KLHDC2: variants seen among roughly 807,000 people sequenced by gnomAD.
KLHDC2 encodes the protein kelch domain containing 2.
A neutral mutation model predicts 62.3 loss-of-function variants in KLHDC2; 38 were observed. The observed-to-expected ratio is 0.61, with a 90% CI of 0.47 to 0.80. The LOEUF is 0.80. Ranked by LOEUF, KLHDC2 falls within the 30% of genes least tolerant of loss-of-function variation. The pLI is 0.00. For missense variants in KLHDC2, 430 were observed against 495.3 expected (o/e 0.87, Z 1.25); for synonymous variants, 159 against 161.0 (o/e 0.99, Z 0.09).
chr14:49,784,653 T>G lies in KLHDC2; in HGVS notation c.*1700T>G, dbSNP rs1426711060. Reference sequence around the variant, plus strand: ...CATTTCAGCTATTTCCTTTTTACGTTCAGAAGATTGGGTGCAGACACTTTC... The same window carrying G: ...CATTTCAGCTATTTCCTTTTTACGTGCAGAAGATTGGGTGCAGACACTTTC... On this transcript the variant is annotated 3_prime_UTR_variant, in exon 13 of 13. Coordinates refer to ENST00000298307, the MANE Select transcript of KLHDC2 (RefSeq NM_014315.3). 3 of 1,610,564 alleles carry G rather than the reference T, an allele frequency of 1.9e-6. No homozygotes were observed. In the African/African-American group the frequency reaches 4.0e-5, roughly 22 times the overall value.
intron 4 of KLHDC2, 87 bp downstream of exon 4, chr14:49,778,041 A>G: frequency 3.2e-6 from 3 of 948,736 alleles, no homozygotes; most frequent in Non-Finnish European, 5.0e-6. Flanking sequence ...ATTTGCACAG[A>G]ACATACCTCA....
At chr14:49,771,419 GCTAT>G (rs1368898007) in intron 1 of KLHDC2, among the ~76,000 whole-genome samples, 171 bp from the exon 2 acceptor site, 1 of 152,064 alleles carries the variant, frequency 6.6e-6, no homozygotes, top group Non-Finnish European at 1.5e-5. Context: ...TGAATTAAGA[GCTAT>G]CTATGTTGAG....
chr14:49,777,019 G>A (rs1228360106), intron 3 of KLHDC2, among the ~76,000 whole-genome samples: 2 of 151,948 alleles, frequency 1.3e-5, no homozygotes, highest in South Asian at 2.1e-4. Flanking sequence ...TCAACAAGTG[G>A]ATAAAGGAAA....
In KLHDC2 at chr14:49,777,873, T is replaced by G; in HGVS notation, c.386T>G (p.Val129Gly). ...CTGGATTCAAGGTCTACAGACAGAGTGTTACAGTGGGAAAGAATTGATTGC... is the reference window on the plus strand; with the variant it reads ...CTGGATTCAAGGTCTACAGACAGAGGGTTACAGTGGGAAAGAATTGATTGC... ...YMLDSRSTDRVLQWERIDCQG... is the reference protein window; with the variant it reads ...YMLDSRSTDRGLQWERIDCQG... Residue 129 changes from valine (V) to glycine (G), a missense_variant, in exon 4 of 13, where the codon GTG becomes GGG. By Grantham distance (109) the Val-to-Gly change is moderately radical (BLOSUM62 -3). Transcript: ENST00000298307. 1 of 1,609,838 alleles carries G rather than the reference T, an allele frequency of 6.2e-7. No homozygotes were observed. Among genetic ancestry groups the G allele is most frequent in the Non-Finnish European group, 8.5e-7 (1 of 1,177,066 alleles).
chr14:49,780,582 A>G (rs975217660), intron 9 of KLHDC2, 121 bp from the exon 10 acceptor site: 1 of 777,700 alleles, frequency 1.3e-6, no homozygotes, highest in Non-Finnish European at 2.2e-6. Context: ...GGGGGGAAAA[A>G]AAAGAAAATA....
intron 3 of KLHDC2, among the ~76,000 whole-genome samples, chr14:49,777,317 AG>A (rs1889793041): frequency 6.6e-6 from 1 of 152,126 alleles, no homozygotes; most frequent in African/African-American, 2.4e-5. Context: ...TTGGGTGATG[AG>A]TGCACCAAAA....
chr14:49,780,619 T>C (rs1055344989), intron 9 of KLHDC2, 84 bp from the exon 10 acceptor site: 1 of 940,090 alleles, frequency 1.1e-6, no homozygotes, highest in African/African-American at 1.6e-5. Context: ...TCATGATCTA[T>C]TACCTTTCTT....
At chr14:49,770,892 A>G (rs1889648980) in intron 1 of KLHDC2, among the ~76,000 whole-genome samples, 1 of 152,230 alleles carries the variant, frequency 6.6e-6, no homozygotes, top group Admixed American at 6.5e-5. Context: ...GAGAATGGAT[A>G]GGTGAAAGGA....
In KLHDC2 at chr14:49,785,437, T is replaced by C; in HGVS notation, c.*2484T>C. 1.4e-6 allele frequency: 1 copy of C among 699,964 alleles called. No homozygotes were observed. Among genetic ancestry groups the C allele is most frequent in the East Asian group, 2.7e-5 (1 of 36,994 alleles). The allele number at this position is 699,964 out of a possible 1,614,324, so 43.4% of individuals were successfully genotyped here. Reference sequence around the variant, plus strand: ...TTATCTTTTCCTGATATACATACCATCTAAGCTGGAACAGTGGTACTTAAA... The same window carrying C: ...TTATCTTTTCCTGATATACATACCACCTAAGCTGGAACAGTGGTACTTAAA... On this transcript the variant is annotated 3_prime_UTR_variant, in exon 13 of 13. Transcript: ENST00000298307.
At position 49,784,827 on chromosome 14, in the gene KLHDC2, C is replaced by G. The variant is rs769397421; in HGVS notation, c.*1874C>G. 5.1e-5 allele frequency: 71 copies of G among 1,398,226 alleles called. No individual in the cohort carries two copies. Among genetic ancestry groups the G allele is most frequent in the Middle Eastern group, 1.9e-4 (1 of 5,306 alleles). The allele number at this position is 1,398,226 out of a possible 1,614,324, so 86.6% of individuals were successfully genotyped here. A position where few individuals can be genotyped will look rare whatever the true frequency, so the allele number is the denominator to read the frequency against. On this transcript the variant is annotated 3_prime_UTR_variant, in exon 13 of 13. Transcript: ENST00000298307. The stretch of plus-strand genomic sequence containing the variant: ...TTTAGCTGAGATGGTTTTACTGCTT[C>G]TAATAAGACAGCATTTTCTACTAAA...
chr14:49,780,381 G>C (rs1336547766), intron 9 of KLHDC2, 59 bp downstream of exon 9: 3 of 1,133,628 alleles, frequency 2.6e-6, no homozygotes, highest in Admixed American at 3.4e-5. Context: ...TCTAATAGCT[G>C]AAAATGAGTC....
rs1162892246 is a variant in KLHDC2, at chr14:49,768,637, G to A, written c.153+16G>A. 1.9e-6 allele frequency: 3 copies of A among 1,567,386 alleles called. No homozygotes were observed. The highest frequency in any genetic ancestry group is 2.8e-5 in the African/African-American group (2 of 72,498). On this transcript the variant is annotated intron_variant, in intron 1 of 12. Transcript: ENST00000298307. ...CGGCTACAAGGTCAGTGAGTGGCCG[G>A]GCCGCGACGGACGTCGCTCGGCTGT...
intron 10 of KLHDC2, 44 bp downstream of exon 10, chr14:49,780,819 G>A (rs775420530): frequency 9.4e-7 from 1 of 1,064,110 alleles, no homozygotes; most frequent in African/African-American, 1.6e-5. Context: ...TAAGACATAA[G>A]AATTGAGGTT....
intron 8 of KLHDC2, 64 bp from the exon 9 acceptor site, chr14:49,780,149 G>T: frequency 9.2e-7 from 1 of 1,088,082 alleles, no homozygotes; most frequent in Non-Finnish European, 1.4e-6. Flanking sequence ...AATTTTAAAA[G>T]AAAACTTAAA....
At chr14:49,776,530 TTAAA>T (rs1447256177) in intron 3 of KLHDC2, among the ~76,000 whole-genome samples, 1 of 152,110 alleles carries the variant, frequency 6.6e-6, no homozygotes, top group Non-Finnish European at 1.5e-5. Flanking sequence ...AATCTTAGAG[TTAAA>T]TAGACACCGA....
Position 49,768,577 on chromosome 14 carries a change from G to T in KLHDC2, c.109G>T (p.Ala37Ser). 6.2e-7 allele frequency: 1 copy of T among 1,605,866 alleles called. No homozygotes were observed. The highest frequency in any genetic ancestry group is 8.5e-7 in the Non-Finnish European group (1 of 1,176,978). The change falls in exon 1 of 13, where the codon GCC (alanine) becomes TCC (serine). Residue 37 changes from alanine (A) to serine (S), a missense_variant. Transcript: ENST00000298307. ...ACPAERSGHV[A>S]VSDGRHMFVW... Reference sequence around the variant, plus strand: ...CCCCGCTGAGCGCAGCGGCCACGTAGCCGTCAGCGACGGGCGCCACATGTT... The same window carrying T: ...CCCCGCTGAGCGCAGCGGCCACGTATCCGTCAGCGACGGGCGCCACATGTT...
In KLHDC2 at chr14:49,784,091, T is replaced by A. The variant is rs150642324; in HGVS notation, c.*1138T>A. 1 of 151,060 alleles carries A rather than the reference T, an allele frequency of 6.6e-6. No homozygotes were observed. The highest frequency in any genetic ancestry group is 6.6e-5 in the Admixed American group (1 of 15,066). 9.4% of individuals were successfully genotyped at this position (151,060 alleles called of 1,614,324 possible). ...ATTAACCTCCCAAATTTCAAGAAAATGTAGAATAACTACAGATGTATATAA... is the reference window on the plus strand; with the variant it reads ...ATTAACCTCCCAAATTTCAAGAAAAAGTAGAATAACTACAGATGTATATAA... On this transcript the variant is annotated 3_prime_UTR_variant, in exon 13 of 13. Transcript: ENST00000298307.
At position 49,785,240 on chromosome 14, in the gene KLHDC2, G is replaced by A; in HGVS notation, c.*2287G>A. ...CTTACTTGTAGTTTGTCATGGTGGT[G>A]TAAGGGGCACATATTGGAATGGCAA... On this transcript the variant is annotated 3_prime_UTR_variant, in exon 13 of 13. Transcript: ENST00000298307. The A allele has an allele frequency of 1.2e-6, 2 of 1,613,660 alleles. No individual in the cohort carries two copies. Among genetic ancestry groups the A allele is most frequent in the Non-Finnish European group, 1.7e-6 (2 of 1,179,628 alleles).
intron 10 of KLHDC2, among the ~76,000 whole-genome samples, chr14:49,781,327 C>CA (rs2139802794): frequency 7.2e-6 from 1 of 138,788 alleles, no homozygotes; most frequent in South Asian, 2.4e-4. Context: ...TGAGATCGTG[C>CA]CTTTGCACTC....
Sources: gnomAD v4.1 joint callset for allele counts (sites outside exome capture counted in the v4.1 genomes callset) on GRCh38, gnomAD v4.1.1 for gene constraint, MANE v1.5 for transcripts, NCBI Gene and HGNC (gene_info 2026-07-23, HGNC 2026-07-21) for gene names.